Variants in CDH12 observed in about 807,000 individuals in gnomAD.
CDH12 encodes the protein cadherin-12.
Under a neutral mutation model 74.1 loss-of-function variants are expected in CDH12, and 41 were observed. The ratio of observed to expected loss-of-function variants is 0.55; its 90% confidence interval spans 0.43 to 0.72. CDH12 has a LOEUF of 0.72. CDH12 is among the 30% of genes least tolerant of loss of function. CDH12 has a pLI of 0.00. For missense variants in CDH12, 945 were observed against 977.2 expected, an observed-to-expected ratio of 0.97 and a Z score of 0.44; for synonymous variants, 399 against 355.0, an observed-to-expected ratio of 1.12 and a Z score of -1.39.
chr5:22,390,615 TA>T (rs911101372), intron 3 of CDH12, among the ~76,000 whole-genome samples: 1 of 150,664 alleles, frequency 6.6e-6, no homozygotes, highest in African/African-American at 2.4e-5. Context: ...GATAGATAGA[TA>T]GATAGATGAT....
intron 8 of CDH12, among the ~76,000 whole-genome samples, chr5:21,828,484 C>A (rs1748807007): frequency 1.3e-5 from 2 of 152,160 alleles, no homozygotes; most frequent in Non-Finnish European, 2.9e-5. Flanking sequence ...TGACTTCTCA[C>A]TGGTTTTCTT....
At chr5:22,004,326 C>A (rs1335484810) in intron 5 of CDH12, among the ~76,000 whole-genome samples, 3 of 152,154 alleles carry the variant, frequency 2.0e-5, no homozygotes, top group African/African-American at 4.8e-5. Context: ...CTACACTGAA[C>A]CCCACTGGAG....
At chr5:22,032,356 A>T (rs555207178) in intron 5 of CDH12, among the ~76,000 whole-genome samples, 1 of 152,216 alleles carries the variant, frequency 6.6e-6, no homozygotes, top group Non-Finnish European at 1.5e-5. Flanking sequence ...CCATTTTGAG[A>T]AAGGCATTCT....
At chr5:21,805,385 A>G (rs774535820) in intron 9 of CDH12, among the ~76,000 whole-genome samples, 8 of 152,118 alleles carry the variant, frequency 5.3e-5, no homozygotes, top group Non-Finnish European at 8.8e-5. Flanking sequence ...AAGAGATGAG[A>G]TGTATTCCAT....
intron 1 of CDH12, among the ~76,000 whole-genome samples, chr5:22,667,391 G>A (rs1740681200): frequency 6.6e-6 from 1 of 152,120 alleles, no homozygotes; most frequent in Admixed American, 6.5e-5. Context: ...AGACAGGGTA[G>A]AATATTAGAA....
chr5:22,762,391 T>G (rs1746273386), intron 1 of CDH12, among the ~76,000 whole-genome samples: 3 of 152,238 alleles, frequency 2.0e-5, no homozygotes, highest in Admixed American at 6.5e-5. Context: ...TCTCAGTCAT[T>G]CTTAAAAAAG....
intron 3 of CDH12, among the ~76,000 whole-genome samples, chr5:22,213,959 GAA>G (rs1314148583): frequency 2.0e-5 from 3 of 151,730 alleles, no homozygotes; most frequent in African/African-American, 7.3e-5. Flanking sequence ...GTGTGTGTGA[GAA>G]AGAGAGAGAG....
At chr5:22,017,974 G>A (rs1737709131) in intron 5 of CDH12, among the ~76,000 whole-genome samples, 1 of 152,022 alleles carries the variant, frequency 6.6e-6, no homozygotes, top group Middle Eastern at 3.2e-3. Flanking sequence ...GGCCAGGCTG[G>A]TCTCAAACTC....
intron 3 of CDH12, among the ~76,000 whole-genome samples, chr5:22,394,117 C>T (rs1158770721): frequency 2.0e-5 from 3 of 152,050 alleles, no homozygotes; most frequent in Admixed American, 2.0e-4. Context: ...CTGTTGGAAA[C>T]GTGTGCTGTT....
intron 4 of CDH12, among the ~76,000 whole-genome samples, chr5:22,113,275 G>T (rs961677840): frequency 6.6e-6 from 1 of 152,124 alleles, no homozygotes; most frequent in Non-Finnish European, 1.5e-5. Flanking sequence ...CATCTGTAAA[G>T]AATCTCTATT....
chr5:21,983,655 T>A (rs1420047477), intron 5 of CDH12, among the ~76,000 whole-genome samples: 1 of 152,162 alleles, frequency 6.6e-6, no homozygotes, highest in Admixed American at 6.5e-5. Context: ...TTATTTCCTG[T>A]CCTTGGTTTT....
At chr5:22,306,907 T>C (rs941418176) in intron 3 of CDH12, among the ~76,000 whole-genome samples, 1 of 152,222 alleles carries the variant, frequency 6.6e-6, no homozygotes, top group African/African-American at 2.4e-5. Context: ...TGGGAAAATA[T>C]CATTCCTTAA....
chr5:22,136,694 T>C (rs1425249422), intron 4 of CDH12, among the ~76,000 whole-genome samples: 1 of 150,746 alleles, frequency 6.6e-6, no homozygotes, highest in African/African-American at 2.5e-5. Context: ...TCTACCACTG[T>C]GGTGTCATAT....
intron 10 of CDH12, among the ~76,000 whole-genome samples, 158 bp downstream of exon 10, chr5:21,802,009 A>T (rs1217624564): frequency 1.3e-5 from 2 of 152,078 alleles, no homozygotes; most frequent in Non-Finnish European, 2.9e-5. Flanking sequence ...ATCCTATAAC[A>T]TTTCCTCTAT....
At position 21,943,067 on chromosome 5, in the gene CDH12, C is replaced by T. The variant is rs192110372; in HGVS notation, c.526+32024G>A. Among the ~76,000 whole-genome samples the T allele has an allele frequency of 8.2e-4, 125 of 152,172 alleles. 1 individual carries two copies. The highest frequency in any genetic ancestry group is 2.8e-3 in the African/African-American group (118 of 41,528). On this transcript the variant is annotated intron_variant, in intron 6 of 14. Transcript: ENST00000382254. ...ATGGTTTTACAAGTGTTTGACAGTG[C>T]CTCCTTCACATGCTCTCTCTCCCCT...
intron 1 of CDH12, among the ~76,000 whole-genome samples, chr5:22,574,711 C>A (rs1739700148): frequency 2.0e-5 from 3 of 152,150 alleles, no homozygotes; most frequent in African/African-American, 7.2e-5. Context: ...AACTTTCCTT[C>A]TCTTCCTCTT....
At chr5:22,514,103 A>C (rs184664905) in intron 1 of CDH12, among the ~76,000 whole-genome samples, 1 of 152,062 alleles carries the variant, frequency 6.6e-6, no homozygotes, top group African/African-American at 2.4e-5. Context: ...TCTCATGGTA[A>C]AATTAGAGAC....
At chr5:21,801,551 A>G (rs1292825714) in intron 10 of CDH12, among the ~76,000 whole-genome samples, 1 of 152,180 alleles carries the variant, frequency 6.6e-6, no homozygotes, top group Non-Finnish European at 1.5e-5. Flanking sequence ...ATGTGTTGAG[A>G]GAGAGTGACA....
rs796803268 is a variant in CDH12 at position 21,831,949 on chromosome 5, G to A, written c.814+10212C>T. Among the ~76,000 whole-genome samples, 28 of 152,144 alleles carry A rather than the reference G, an allele frequency of 1.8e-4. 1 individual carries two copies. The highest frequency in any genetic ancestry group is 6.5e-4 in the African/African-American group (27 of 41,524). ...AATTTCTAAAAAAGTCACTTAAAGT[G>A]AGCTGGAAAGTAGACAGATTAACAT... On this transcript the variant is annotated intron_variant, in intron 8 of 14. Coordinates refer to ENST00000382254, the MANE Select transcript of CDH12 (RefSeq NM_004061.5).
Sources: allele counts gnomAD v4.1 joint callset (sites outside exome capture counted in the v4.1 genomes callset), GRCh38; gene constraint gnomAD v4.1.1; transcripts MANE v1.5; gene names NCBI Gene and HGNC (gene_info 2026-07-23, HGNC 2026-07-21).